Variants in PCCB observed in about 807,000 individuals in gnomAD.
PCCB encodes the protein propionyl-CoA carboxylase beta chain, mitochondrial.
PCCB carries 43 observed loss-of-function variants against 60.7 expected under a neutral mutation model. The observed-to-expected ratio is 0.71, with a 90% CI of 0.55 to 0.91. The LOEUF is 0.91. Ranked by LOEUF, PCCB falls within the 40% of genes least tolerant of loss-of-function variation. The pLI is 0.00. For synonymous variants in PCCB, 276 were observed against 255.9 expected (o/e 1.08, Z -0.75); for missense variants, 766 against 702.8 (o/e 1.09, Z -1.02).
chr3:136,264,440 G>GTGTACA, intron 5 of PCCB, among the ~76,000 whole-genome samples: 1 of 123,782 alleles, frequency 8.1e-6, no homozygotes, highest in Non-Finnish European at 1.8e-5. Context: ...ATGTGTGTGT[G>GTGTACA]TATATATGTA....
chr3:136,287,454 CAG>C (rs1933471267), intron 6 of PCCB, among the ~76,000 whole-genome samples: 1 of 150,822 alleles, frequency 6.6e-6, no homozygotes. Context: ...TTTTTTGAGA[CAG>C]AGTTTTGCTC....
At chr3:136,283,355 T>C (rs1242271876) in intron 5 of PCCB, among the ~76,000 whole-genome samples, 1 of 152,164 alleles carries the variant, frequency 6.6e-6, no homozygotes, top group Non-Finnish European at 1.5e-5. Flanking sequence ...CACTGGGTAC[T>C]CAGTGTCAAG....
At chr3:136,317,727 A>G (rs530958995) in intron 10 of PCCB, among the ~76,000 whole-genome samples, 1 of 152,256 alleles carries the variant, frequency 6.6e-6, no homozygotes, top group African/African-American at 2.4e-5. Flanking sequence ...TGTCGTATTC[A>G]CAGTAGTATC....
intron 5 of PCCB, among the ~76,000 whole-genome samples, chr3:136,263,144 G>A (rs1481216616): frequency 2.0e-5 from 3 of 151,344 alleles, no homozygotes; most frequent in South Asian, 4.2e-4. Flanking sequence ...TAGTAGAGAC[G>A]GGGTTTCACC....
intron 5 of PCCB, among the ~76,000 whole-genome samples, chr3:136,282,258 T>A (rs1181808058): frequency 6.6e-6 from 1 of 152,262 alleles, no homozygotes; most frequent in Non-Finnish European, 1.5e-5. Flanking sequence ...CTTGCTGTTT[T>A]ATCAAATTCT....
At chr3:136,325,002 C>T (rs1200539387) in intron 10 of PCCB, among the ~76,000 whole-genome samples, 3 of 152,186 alleles carry the variant, frequency 2.0e-5, no homozygotes, top group Non-Finnish European at 2.9e-5. Flanking sequence ...AAGCAATTCT[C>T]CTGCCTCAGC....
intron 10 of PCCB, among the ~76,000 whole-genome samples, chr3:136,318,084 A>T (rs190811089): frequency 9.8e-5 from 15 of 152,316 alleles, no homozygotes; most frequent in Admixed American, 9.8e-4. Flanking sequence ...CACGCCTGTA[A>T]TCCCAGCACT....
intron 9 of PCCB, among the ~76,000 whole-genome samples, chr3:136,308,481 C>G (rs377209113): frequency 1.5e-4 from 23 of 152,162 alleles, no homozygotes; most frequent in African/African-American, 5.3e-4. Flanking sequence ...ATTCAACAGA[C>G]TTAGGTAGAA....
chr3:136,282,651 A>G (rs1273819354), intron 5 of PCCB, among the ~76,000 whole-genome samples: 1 of 152,178 alleles, frequency 6.6e-6, no homozygotes, highest in African/African-American at 2.4e-5. Context: ...TTATTGCTTT[A>G]TACAGTCTTG....
chr3:136,296,544 G>A (rs1197161193), intron 7 of PCCB, among the ~76,000 whole-genome samples: 1 of 152,004 alleles, frequency 6.6e-6, no homozygotes, highest in Non-Finnish European at 1.5e-5. Flanking sequence ...CCACTTTTCG[G>A]CTATCATAAA....
intron 5 of PCCB, among the ~76,000 whole-genome samples, chr3:136,269,172 T>A (rs1213373306): frequency 6.6e-6 from 1 of 152,070 alleles, no homozygotes; most frequent in African/African-American, 2.4e-5. Context: ...TCCCAGCTAC[T>A]CAGAAGGCTG....
chr3:136,276,684 C>T (rs1942340147), intron 5 of PCCB, among the ~76,000 whole-genome samples: 1 of 152,164 alleles, frequency 6.6e-6, no homozygotes, highest in South Asian at 2.1e-4. Context: ...TGTGGAGAAG[C>T]CCCAACTGTG....
At chr3:136,262,284 CAG>C (rs1394259319) in intron 5 of PCCB, among the ~76,000 whole-genome samples, 9 of 152,066 alleles carry the variant, frequency 5.9e-5, no homozygotes, top group East Asian at 1.9e-4. Context: ...GGGCCACTCA[CAG>C]GGGAAATTAC....
At chr3:136,285,231 C>T (rs1375984966) in intron 6 of PCCB, among the ~76,000 whole-genome samples, 12 of 152,220 alleles carry the variant, frequency 7.9e-5, no homozygotes, top group South Asian at 2.1e-4. Flanking sequence ...CTGCCTGTTA[C>T]GAAGGGAGGT....
chr3:136,263,005 A>G (rs1264547321), intron 5 of PCCB, among the ~76,000 whole-genome samples: 1 of 132,582 alleles, frequency 7.5e-6, no homozygotes, highest in Non-Finnish European at 1.5e-5. Flanking sequence ...CCCAGGTTGG[A>G]GTGCAGTGGC....
chr3:136,256,345 A>T, intron 2 of PCCB: 1 of 608,074 alleles, frequency 1.6e-6, no homozygotes, highest in South Asian at 2.0e-5. Flanking sequence ...CTAAGATGAC[A>T]GTGCCATTCA....
chr3:136,268,085 T>TGTGTAGATATAG (rs1425494243), intron 5 of PCCB, among the ~76,000 whole-genome samples: 1 of 93,596 alleles, frequency 1.1e-5, no homozygotes, highest in Admixed American at 1.2e-4. Context: ...TGTGTGTGTG[T>TGTGTAGATATAG]AGATATATAT....
intron 9 of PCCB, among the ~76,000 whole-genome samples, chr3:136,307,868 G>A (rs1216474454): frequency 1.3e-5 from 2 of 151,914 alleles, no homozygotes; most frequent in East Asian, 1.9e-4. Context: ...CCAGCTACCC[G>A]GGAGGCTGAG....
Position 136,302,627 on chromosome 3 carries a change from A to G in PCCB, c.966+1516A>G, listed in dbSNP as rs1282257843. ...TGTGCACAATGTGCAGGTTAGTTAC[A>G]TATGTATACATGTGCCATGCTGGTG... On this transcript the variant is annotated intron_variant, in intron 9 of 14. Coordinates refer to ENST00000251654, the MANE Select transcript of PCCB (RefSeq NM_000532.5). Among the ~76,000 whole-genome samples, 3 of 117,758 alleles carry G rather than the reference A, an allele frequency of 2.5e-5. 1 individual carries two copies. Among genetic ancestry groups the G allele is most frequent in the African/African-American group, 2.6e-5 (1 of 39,188 alleles). The allele number at this position is 117,758 out of a possible 152,430, so 77.3% of individuals were successfully genotyped here. A position where few individuals can be genotyped will look rare whatever the true frequency, so the allele number is the denominator to read the frequency against.
Sources: gnomAD v4.1 joint callset for allele counts (sites outside exome capture counted in the v4.1 genomes callset) on GRCh38, gnomAD v4.1.1 for gene constraint, MANE v1.5 for transcripts, NCBI Gene and HGNC (gene_info 2026-07-23, HGNC 2026-07-21) for gene names.